LEPR: variants seen among roughly 807,000 people sequenced by gnomAD.
LEPR encodes the protein OB receptor.
A neutral mutation model predicts 114.7 loss-of-function variants in LEPR; 56 were observed. That is an observed-to-expected ratio of 0.49 (90% CI 0.39 to 0.61). LEPR has a LOEUF of 0.61. Ranked by LOEUF, LEPR falls within the 20% of genes least tolerant of loss-of-function variation. The pLI, the probability that LEPR is intolerant of heterozygous loss-of-function variation, is 0.00. For missense variants in LEPR, 1,202 were observed against 1,352.9 expected (o/e 0.89, Z 1.75); for synonymous variants, 443 against 461.4 (o/e 0.96, Z 0.51).
At position 65,565,845 on chromosome 1, in the gene LEPR, T is replaced by TCACA. The variant is rs1009206304; in HGVS notation, c.40+255_40+258dup. ...ATCCTTCCAGAATCCTCTCTCTCTC[T>TCACA]CACACACACACACACACAGACTCAC... is the stretch of plus-strand genomic sequence containing the variant. On this transcript the variant is annotated intron_variant, in intron 3 of 19. Coordinates refer to ENST00000349533, the MANE Select transcript of LEPR (RefSeq NM_002303.6). Among the ~76,000 whole-genome samples, 1,783 of 148,702 alleles carry TCACA rather than the reference T, an allele frequency of 0.012. 45 individuals are homozygous for TCACA. Among genetic ancestry groups the TCACA allele is most frequent in the African/African-American group, 0.041 (1,668 of 40,442 alleles).
At position 65,433,910 on chromosome 1, in the gene LEPR, G is replaced by T. The variant is rs115955532; in HGVS notation, c.-21+8532G>T. 6.1e-6 allele frequency: 6 copies of T among 985,004 alleles called. No individual in the cohort carries two copies. The African/African-American group carries it at 1.0e-4, about 17-fold the overall frequency. 61.0% of individuals were successfully genotyped at this position (985,004 alleles called of 1,614,324 possible). A position where few individuals can be genotyped will look rare whatever the true frequency, so the allele number is the denominator to read the frequency against. ...AATGGGCAGTTTTGAGCAATAATCTGTCCTAACAGAACAGTAGCAATAAGT... is the reference window on the plus strand; with the variant it reads ...AATGGGCAGTTTTGAGCAATAATCTTTCCTAACAGAACAGTAGCAATAAGT... On this transcript the variant is annotated intron_variant, in intron 2 of 19. Transcript: ENST00000349533.
chr1:65,624,498 C>T (rs898402322), intron 19 of LEPR, among the ~76,000 whole-genome samples: 4 of 151,964 alleles, frequency 2.6e-5, no homozygotes, highest in African/African-American at 4.8e-5. Context: ...CTTTCTTCTT[C>T]GCCATGACCC....
intron 3 of LEPR, among the ~76,000 whole-genome samples, chr1:65,569,056 T>C (rs980707253): frequency 6.6e-6 from 1 of 152,210 alleles, no homozygotes; most frequent in Non-Finnish European, 1.5e-5. Flanking sequence ...GAGTTCCTTC[T>C]AAATTCTGGA....
At chr1:65,459,171 A>C (rs974850132) in intron 2 of LEPR, among the ~76,000 whole-genome samples, 3 of 152,180 alleles carry the variant, frequency 2.0e-5, no homozygotes, top group African/African-American at 7.2e-5. Context: ...CGTTGTCCAC[A>C]GTATGTGACT....
chr1:65,636,998 T>C lies in LEPR; in HGVS notation c.3481T>C (p.Cys1161Arg). ...QTHKIMENKM[C>R]DLTV is the part of the protein sequence containing the mutation. ...TCATAAGATCATGGAAAACAAGATG[T>C]GTGACCTAACTGTGTAATTTCACTG... The change falls in exon 20 of 20, where the codon TGT becomes CGT. Residue 1161 changes from cysteine to arginine, a missense_variant. Coordinates refer to ENST00000349533, the MANE Select transcript of LEPR (RefSeq NM_002303.6). 6.2e-7 allele frequency: 1 copy of C among 1,613,622 alleles called. No homozygotes were observed. Among genetic ancestry groups the C allele is most frequent in the South Asian group, 1.1e-5 (1 of 91,066 alleles).
intron 2 of LEPR, among the ~76,000 whole-genome samples, chr1:65,472,765 C>T (rs765017596): frequency 3.3e-5 from 5 of 151,938 alleles, no homozygotes; most frequent in Admixed American, 6.6e-5. Context: ...CTACCTTGTC[C>T]GGCTTCTGGA....
At position 65,633,213 on chromosome 1, in the gene LEPR, C is replaced by T; in HGVS notation, c.2674-2978C>T. ...ACAGATGAACCCAATGTGCCAACTT[C>T]CCAACAGTCTATAGAGTATTAGAAG... On this transcript the variant is annotated intron_variant, in intron 19 of 19. Transcript: ENST00000349533. The surrounding 1 kb of genome is among the most constrained non-coding windows in gnomAD (Gnocchi z 4.1). 1 of 1,609,092 alleles carries T rather than the reference C, an allele frequency of 6.2e-7. No individual in the cohort carries two copies. The highest frequency in any genetic ancestry group is 8.5e-7 in the Non-Finnish European group (1 of 1,177,722).
At chr1:65,499,787 A>G (rs1384363591) in intron 2 of LEPR, among the ~76,000 whole-genome samples, 1 of 152,078 alleles carries the variant, frequency 6.6e-6, no homozygotes, top group Non-Finnish European at 1.5e-5. Context: ...TGTTTACCCC[A>G]AGTATTTGTA....
At chr1:65,600,093 G>C (rs1656343584) in intron 8 of LEPR, among the ~76,000 whole-genome samples, 2 of 151,988 alleles carry the variant, frequency 1.3e-5, no homozygotes, top group South Asian at 4.2e-4. Flanking sequence ...AAAAACTTCA[G>C]CTTAATCCAT....
intron 4 of LEPR, 122 bp from the exon 5 acceptor site, chr1:65,572,204 G>A (rs1654233786): frequency 1.6e-6 from 2 of 1,271,726 alleles, no homozygotes; most frequent in South Asian, 1.7e-5. Context: ...ATAGGCAATG[G>A]AAGTTGTATC....
intron 1 of LEPR, among the ~76,000 whole-genome samples, chr1:65,424,111 C>G (rs1646309751): frequency 1.3e-5 from 2 of 152,150 alleles, no homozygotes; most frequent in African/African-American, 2.4e-5. Flanking sequence ...ACTCAGAGCT[C>G]AAGATTTTGT....
At chr1:65,447,046 G>C (rs1229692653) in intron 2 of LEPR, among the ~76,000 whole-genome samples, 3 of 151,952 alleles carry the variant, frequency 2.0e-5, no homozygotes, top group East Asian at 3.9e-4. Context: ...TGCCCAGGCT[G>C]GTCTCAAACT....
At chr1:65,549,181 G>T (rs1435706466) in intron 2 of LEPR, among the ~76,000 whole-genome samples, 1 of 151,496 alleles carries the variant, frequency 6.6e-6, no homozygotes, top group African/African-American at 2.4e-5. Flanking sequence ...GAGATCCGCT[G>T]TTAGTCTGAT....
intron 2 of LEPR, among the ~76,000 whole-genome samples, chr1:65,545,480 C>CT (rs1427334942): frequency 6.6e-6 from 1 of 150,788 alleles, no homozygotes; most frequent in Non-Finnish European, 1.5e-5. Flanking sequence ...TGTTTCCTGA[C>CT]TTTTTAATGA....
At chr1:65,540,884 T>G (rs929921440) in intron 2 of LEPR, among the ~76,000 whole-genome samples, 3 of 152,138 alleles carry the variant, frequency 2.0e-5, no homozygotes, top group Admixed American at 1.3e-4. Flanking sequence ...CAGGCTAGAG[T>G]ACAATGGTGC....
intron 2 of LEPR, among the ~76,000 whole-genome samples, chr1:65,426,997 CA>C (rs55809705): frequency 0.44 from 60,057 of 137,186 alleles, 12,403 homozygotes; most frequent in East Asian, 0.83. Context: ...ACTTTGTCTC[CA>C]AAAAAAAAAA....
At chr1:65,496,615 T>G (rs761017194) in intron 2 of LEPR, among the ~76,000 whole-genome samples, 11 of 152,190 alleles carry the variant, frequency 7.2e-5, no homozygotes, top group Non-Finnish European at 1.0e-4. Flanking sequence ...TTAGAATTGT[T>G]TTAGATCTAA....
intron 5 of LEPR, among the ~76,000 whole-genome samples, chr1:65,588,399 A>G (rs992583756): frequency 6.6e-6 from 1 of 152,020 alleles, no homozygotes; most frequent in African/African-American, 2.4e-5. Flanking sequence ...CTTTTTGTAA[A>G]TAGTTTTATT....
intron 2 of LEPR, among the ~76,000 whole-genome samples, chr1:65,479,468 C>G (rs1190467546): frequency 6.6e-6 from 1 of 152,026 alleles, no homozygotes; most frequent in Non-Finnish European, 1.5e-5. Flanking sequence ...CCCAGAGTAA[C>G]ATGTAAGAAA....
Sources: allele counts gnomAD v4.1 joint callset (sites outside exome capture counted in the v4.1 genomes callset), GRCh38; gene constraint gnomAD v4.1.1; non-coding constraint Gnocchi (gnomAD v3.1); transcripts MANE v1.5; gene names NCBI Gene and HGNC (gene_info 2026-07-23, HGNC 2026-07-21).